The following P2RX3 variants were observed in gnomAD, a reference collection of about 807,000 sequenced individuals.
P2RX3 encodes the protein P2X purinoceptor 3.
P2RX3 carries 41 observed loss-of-function variants against 51.5 expected under a neutral mutation model. The ratio of observed to expected loss-of-function variants is 0.80; its 90% CI spans 0.62 to 1.03. The LOEUF (loss-of-function observed/expected upper bound fraction) is 1.03, where lower values mean the gene tolerates loss of function less well. Ranked by LOEUF, P2RX3 falls within the 50% of genes least tolerant of loss-of-function variation. The probability of loss-of-function intolerance (pLI) is 0.00; values close to 1 mark genes in which losing one functional copy is unlikely to be tolerated. For synonymous variants in P2RX3, 185 were observed against 191.6 expected (o/e 0.97, Z 0.29); for missense variants, 459 against 522.1 (o/e 0.88, Z 1.18).
chr11:57,365,483 G>C (rs931033275), intron 8 of P2RX3, among the ~76,000 whole-genome samples: 1 of 152,204 alleles, frequency 6.6e-6, no homozygotes, highest in Admixed American at 6.5e-5. Context: ...ACCTGGAAAC[G>C]GAGGCCAAAG....
intron 8 of P2RX3, 106 bp from the exon 9 acceptor site, chr11:57,367,903 A>G: frequency 2.4e-6 from 2 of 820,412 alleles, no homozygotes; most frequent in African/African-American, 3.4e-5. Flanking sequence ...AACCGTAAGT[A>G]AGGGTTGCTC....
At position 57,349,744 on chromosome 11, in the gene P2RX3, T is replaced by A. The variant is rs368621321; in HGVS notation, c.564-13T>A. 24 of 1,614,060 alleles carry A rather than the reference T, an allele frequency of 1.5e-5. No individual in the cohort carries two copies. Among genetic ancestry groups the A allele is most frequent in the Non-Finnish European group, 1.8e-5 (21 of 1,179,980 alleles). On this transcript the variant is annotated splice_polypyrimidine_tract_variant and intron_variant, in intron 6 of 11. Coordinates refer to ENST00000263314, the MANE Select transcript of P2RX3 (RefSeq NM_002559.5). ...TGAACCCTGGGCTGACCTCTCTCTC[T>A]GCTCCTCCCCAGGGGAAACCTCCTT...
In P2RX3 at chr11:57,370,344, C is replaced by T. The variant is rs769057002; in HGVS notation, c.*347C>T. 4.3e-6 allele frequency: 1 copy of T among 230,808 alleles called. No individual in the cohort carries two copies. The allele number at this position is 230,808 out of a possible 1,614,324, so 14.3% of individuals were successfully genotyped here. A position where few individuals can be genotyped will look rare whatever the true frequency, so the allele number is the denominator to read the frequency against. Reference sequence around the variant, plus strand: ...CCAGGCACTTTCACACACGTTATCTCATTTAATCCTTAGAATAATCCTATG... The same window carrying T: ...CCAGGCACTTTCACACACGTTATCTTATTTAATCCTTAGAATAATCCTATG... On this transcript the variant is annotated 3_prime_UTR_variant, in exon 12 of 12. Coordinates refer to ENST00000263314, the MANE Select transcript of P2RX3 (RefSeq NM_002559.5).
At chr11:57,355,828 T>C (rs941825810) in intron 8 of P2RX3, among the ~76,000 whole-genome samples, 3 of 152,210 alleles carry the variant, frequency 2.0e-5, no homozygotes, top group Admixed American at 2.0e-4. Context: ...TATGCATTTA[T>C]ATTTATGCAG....
chr11:57,361,220 C>T (rs911634524), intron 8 of P2RX3, among the ~76,000 whole-genome samples: 3 of 152,166 alleles, frequency 2.0e-5, no homozygotes, highest in Admixed American at 6.5e-5. Context: ...GCCAGGAAAG[C>T]GGCCCCTGCC....
chr11:57,368,312 C>T (rs759802187), intron 9 of P2RX3, 60 bp from the exon 10 acceptor site: 49 of 1,578,162 alleles, frequency 3.1e-5, no homozygotes, highest in South Asian at 3.3e-5. Context: ...CGTGCAGCCT[C>T]GGGCCTCACC....
At chr11:57,366,076 T>G (rs1856793034) in intron 8 of P2RX3, among the ~76,000 whole-genome samples, 1 of 152,186 alleles carries the variant, frequency 6.6e-6, no homozygotes, top group Non-Finnish European at 1.5e-5. Context: ...CTTTCACTCC[T>G]GTGATTTCAC....
upstream of P2RX3, among the ~76,000 whole-genome samples, chr11:57,337,346 G>GAAAAAAAAAAAAAAAA (rs1565058239): frequency 4.1e-5 from 1 of 24,176 alleles, no homozygotes; most frequent in Non-Finnish European, 8.4e-5. Context: ...GGGAAGGAAA[G>GAAAAAAAAAAAAAAAA]AAAGAAAAAA....
chr11:57,369,769 TG>T, intron 11 of P2RX3, 114 bp from the exon 12 acceptor site: 1 of 749,702 alleles, frequency 1.3e-6, no homozygotes, highest in Non-Finnish European at 2.3e-6. Context: ...ACAGATGTCC[TG>T]GCTCCCCTCA....
In P2RX3 at chr11:57,346,636, C is replaced by A; in HGVS notation, c.212C>A (p.Ala71Asp). ...AAGGTGAAGGGCTCCGGACTCTACG[C>A]CAACAGAGTCATGGATGTGTCTGAT... is the stretch of plus-strand genomic sequence containing the variant. ...VTKVKGSGLY[A>D]NRVMDVSDYV... The change falls in exon 2 of 12, where the codon GCC becomes GAC. Residue 71 changes from alanine to aspartate, a missense_variant. Coordinates refer to ENST00000263314, the MANE Select transcript of P2RX3 (RefSeq NM_002559.5). The A allele has an allele frequency of 5.0e-6, 8 of 1,614,178 alleles. No homozygotes were observed. The highest frequency in any genetic ancestry group is 5.9e-6 in the Non-Finnish European group (7 of 1,180,036).
At chr11:57,355,340 T>C (rs887165315) in intron 8 of P2RX3, among the ~76,000 whole-genome samples, 3 of 148,584 alleles carry the variant, frequency 2.0e-5, no homozygotes, top group African/African-American at 4.9e-5. Flanking sequence ...ATTTCTTTTT[T>C]TTTTTTTTTT....
intron 1 of P2RX3, among the ~76,000 whole-genome samples, chr11:57,340,108 A>G (rs2134403838): frequency 6.6e-6 from 1 of 152,312 alleles, no homozygotes; most frequent in Non-Finnish European, 1.5e-5. Flanking sequence ...GTTGGTTCCT[A>G]AATGTTCTGT....
intron 8 of P2RX3, among the ~76,000 whole-genome samples, chr11:57,359,469 T>A (rs1055799323): frequency 6.6e-6 from 1 of 152,138 alleles, no homozygotes; most frequent in Non-Finnish European, 1.5e-5. Flanking sequence ...CAGTGGCCCT[T>A]CCAGCCACGC....
intron 1 of P2RX3, among the ~76,000 whole-genome samples, chr11:57,339,118 G>T (rs1590618948): frequency 6.6e-6 from 1 of 152,194 alleles, no homozygotes; most frequent in South Asian, 2.1e-4. Flanking sequence ...CTGAGACAAG[G>T]GGGTGGTGGC....
At chr11:57,353,118 G>A (rs931168175) in intron 8 of P2RX3, among the ~76,000 whole-genome samples, 4 of 152,222 alleles carry the variant, frequency 2.6e-5, no homozygotes, top group African/African-American at 9.6e-5. Flanking sequence ...CCACGTGTGG[G>A]AGGCTGCAAA....
chr11:57,340,054 G>A (rs527794795), intron 1 of P2RX3, among the ~76,000 whole-genome samples: 2 of 152,326 alleles, frequency 1.3e-5, no homozygotes, highest in South Asian at 4.1e-4. Flanking sequence ...GAGATACGAG[G>A]TTTGCAAATG....
chr11:57,365,740 C>T (rs1160022763), intron 8 of P2RX3, among the ~76,000 whole-genome samples: 2 of 152,216 alleles, frequency 1.3e-5, no homozygotes, highest in African/African-American at 2.4e-5. Context: ...GATTTAGATT[C>T]ATTTCTGCCT....
In P2RX3 at chr11:57,351,564, C is replaced by T. The variant is rs551819994; in HGVS notation, c.842+666C>T. Among the ~76,000 whole-genome samples, 14 of 152,288 alleles carry T rather than the reference C, an allele frequency of 9.2e-5. No homozygotes were observed. In the East Asian group the frequency reaches 1.2e-3, roughly 13 times the overall value. Reference sequence around the variant, plus strand: ...CAAACTGTTTGGAAGCAACTGAAAGCGCTTGAACAAGCCATTTGTCTTCTC... The same window carrying T: ...CAAACTGTTTGGAAGCAACTGAAAGTGCTTGAACAAGCCATTTGTCTTCTC... On this transcript the variant is annotated intron_variant, in intron 8 of 11. Transcript: ENST00000263314.
intron 5 of P2RX3, 80 bp from the exon 6 acceptor site, chr11:57,348,547 G>A (rs1269508052): frequency 1.6e-6 from 2 of 1,233,948 alleles, no homozygotes; most frequent in African/African-American, 3.0e-5. Context: ...GCATCCACCA[G>A]GAAAGGTCGC....
Sources: gnomAD v4.1 joint callset for allele counts (sites outside exome capture counted in the v4.1 genomes callset) on GRCh38, gnomAD v4.1.1 for gene constraint, MANE v1.5 for transcripts, NCBI Gene and HGNC (gene_info 2026-07-23, HGNC 2026-07-21) for gene names.